RUFY3: variants seen among roughly 807,000 people sequenced by gnomAD.
The protein encoded by RUFY3 is RUN and FYVE domain containing 3.
RUFY3 carries 34 observed loss-of-function variants against 84.0 expected under a neutral mutation model. The ratio of observed to expected loss-of-function variants is 0.40; its 90% CI spans 0.31 to 0.54. The LOEUF is 0.54. Among genes scored for constraint, RUFY3 ranks in the 20% least tolerant of loss-of-function variants. The probability of loss-of-function intolerance (pLI) is 0.39; values close to 1 mark genes in which losing one functional copy is unlikely to be tolerated. For missense variants in RUFY3, 507 were observed against 736.8 expected, an observed-to-expected ratio of 0.69 and a Z score of 3.61; for synonymous variants, 242 against 252.9, an observed-to-expected ratio of 0.96 and a Z score of 0.41.
rs781772178 is a variant in RUFY3 at position 70,807,993 on chromosome 4, G to A, written c.*1334G>A. Among the ~76,000 whole-genome samples the A allele has an allele frequency of 6.6e-6, 1 of 152,070 alleles. No individual in the cohort carries two copies. The highest frequency in any genetic ancestry group is 1.5e-5 in the Non-Finnish European group (1 of 68,024). ...CCCAACTTGATATCAGAATCCATGG[G>A]TGCTCAAGTCCCATTATAGAGAATG... On this transcript the variant is annotated 3_prime_UTR_variant, in exon 18 of 18. Transcript: ENST00000381006.
intron 5 of RUFY3, among the ~76,000 whole-genome samples, chr4:70,769,301 CAGTG>C (rs1414259071): frequency 1.3e-5 from 2 of 152,050 alleles, no homozygotes; most frequent in African/African-American, 2.4e-5. Flanking sequence ...GCCTGGGTGA[CAGTG>C]AGACCCTGTC....
chr4:70,801,675 A>C (rs1411719620), intron 15 of RUFY3, among the ~76,000 whole-genome samples: 1 of 152,132 alleles, frequency 6.6e-6, no homozygotes, highest in African/African-American at 2.4e-5. Flanking sequence ...GAGAAGAGAA[A>C]ACACACAGTC....
chr4:70,776,637 G>A (rs767975137), intron 7 of RUFY3, among the ~76,000 whole-genome samples: 13 of 152,234 alleles, frequency 8.5e-5, no homozygotes, highest in Middle Eastern at 3.4e-3. Flanking sequence ...TTAGCCGGGC[G>A]TGGTACCAGG....
At chr4:70,705,312 A>T in intron 1 of RUFY3, 3 of 1,352,090 alleles carry the variant, frequency 2.2e-6, no homozygotes, top group South Asian at 1.8e-5. Flanking sequence ...GCGGAGGGGC[A>T]TGGGGACGCC....
Position 70,736,165 on chromosome 4 carries a change from A to G in RUFY3, c.178+13414A>G, listed in dbSNP as rs147438812. Among the ~76,000 whole-genome samples, 998 of 152,010 alleles carry G rather than the reference A, an allele frequency of 6.6e-3. 10 individuals are homozygous for G. The highest frequency in any genetic ancestry group is 0.023 in the African/African-American group (949 of 41,482). ...CAGACCCTGTCTCAAAAAAAAAAAA[A>G]AAAAGAAAAGAAAAGGAAAGAAAGA... On this transcript the variant is annotated intron_variant, in intron 1 of 17. Coordinates refer to ENST00000381006, the MANE Select transcript of RUFY3 (RefSeq NM_001037442.4).
chr4:70,716,929 C>G (rs561826572), intron 1 of RUFY3, among the ~76,000 whole-genome samples: 2 of 151,432 alleles, frequency 1.3e-5, no homozygotes, highest in African/African-American at 4.8e-5. Context: ...GAAACACTTT[C>G]TATAAGAAAG....
At chr4:70,790,416 C>G (rs1730617524) in intron 12 of RUFY3, among the ~76,000 whole-genome samples, 1 of 152,162 alleles carries the variant, frequency 6.6e-6, no homozygotes, top group African/African-American at 2.4e-5. Context: ...ACTGCTGGTC[C>G]CTGTACTTCC....
chr4:70,783,711 G>T (rs1729310794), intron 9 of RUFY3, among the ~76,000 whole-genome samples: 1 of 151,956 alleles, frequency 6.6e-6, no homozygotes, highest in African/African-American at 2.4e-5. Flanking sequence ...CCTTTACGAT[G>T]ACTGAGGATC....
chr4:70,775,944 C>A (rs201443955), intron 7 of RUFY3, among the ~76,000 whole-genome samples: 685 of 131,660 alleles, frequency 5.2e-3, no homozygotes, highest in Non-Finnish European at 6.3e-3. Context: ...CTGTCTTAAA[C>A]AAAAAAAAAA....
intron 1 of RUFY3, among the ~76,000 whole-genome samples, chr4:70,736,325 C>G (rs919044357): frequency 6.6e-6 from 1 of 152,094 alleles, no homozygotes; most frequent in Non-Finnish European, 1.5e-5. Flanking sequence ...ACCTACATTT[C>G]AAATACCTAG....
intron 4 of RUFY3, among the ~76,000 whole-genome samples, chr4:70,766,527 G>T (rs1262589420): frequency 6.6e-6 from 1 of 152,156 alleles, no homozygotes; most frequent in Non-Finnish European, 1.5e-5. Flanking sequence ...TTACAGGCGT[G>T]AGCCACCGCA....
chr4:70,745,014 G>A (rs1188109093), intron 1 of RUFY3, among the ~76,000 whole-genome samples: 2 of 150,622 alleles, frequency 1.3e-5, no homozygotes, highest in East Asian at 3.9e-4. Context: ...GAGTGCTGTG[G>A]TGCAATCTCG....
In RUFY3 at chr4:70,804,382, G is replaced by C; in HGVS notation, c.1685G>C (p.Cys562Ser). Residue 562 changes from cysteine to serine, a missense_variant, in exon 17 of 18, where the codon TGT becomes TCT. Around this residue, in one of 4 missense-constraint regions of RUFY3, gnomAD observed 334 missense variants for 364.1 expected, o/e 0.92. Transcript: ENST00000381006. The part of the protein sequence containing the change: ...QLLLSEKPQL[C>S]QLCQEDGSLT... ...CTGCTCTCTGAAAAGCCACAGTTGT[G>C]TCAGCTATGCCAGGAAGACGGCAGC... 1 of 1,614,084 alleles carries C rather than the reference G, an allele frequency of 6.2e-7. No individual in the cohort carries two copies. The highest frequency in any genetic ancestry group is 1.1e-5 in the South Asian group (1 of 91,068).
chr4:70,773,630 G>A (rs368972729), intron 6 of RUFY3, 58 bp downstream of exon 6: 1 of 1,217,058 alleles, frequency 8.2e-7, no homozygotes, highest in African/African-American at 1.5e-5. Flanking sequence ...TTTTCCTTTG[G>A]TGGTACTTAA....
intron 1 of RUFY3, among the ~76,000 whole-genome samples, chr4:70,714,114 G>T (rs752802677): frequency 6.6e-6 from 1 of 152,100 alleles, no homozygotes; most frequent in Non-Finnish European, 1.5e-5. Flanking sequence ...ACTTGCCAAG[G>T]TTACTCAGCA....
intron 14 of RUFY3, among the ~76,000 whole-genome samples, chr4:70,798,713 CA>C (rs1484991440): frequency 2.0e-5 from 3 of 151,500 alleles, no homozygotes; most frequent in Admixed American, 1.3e-4. Context: ...AACCAGGAGG[CA>C]GAGGTTGCAT....
intron 1 of RUFY3, among the ~76,000 whole-genome samples, chr4:70,737,410 T>G (rs1480227648): frequency 6.6e-6 from 1 of 151,986 alleles, no homozygotes; most frequent in Admixed American, 6.6e-5. Context: ...AAACTAAGAG[T>G]GTATGTGAGA....
At chr4:70,773,760 T>G (rs1727378193) in intron 6 of RUFY3, among the ~76,000 whole-genome samples, 188 bp downstream of exon 6, 1 of 152,188 alleles carries the variant, frequency 6.6e-6, no homozygotes, top group Admixed American at 6.6e-5. Flanking sequence ...AAAAGGATTT[T>G]TTTGTTTGTT....
upstream of RUFY3, chr4:70,721,795 G>A (rs1214784496): frequency 1.1e-6 from 1 of 916,132 alleles, no homozygotes; most frequent in Non-Finnish European, 1.3e-6. Context: ...TATGTGCATT[G>A]TGTTATGTCT....
Sources: allele counts gnomAD v4.1 joint callset (sites outside exome capture counted in the v4.1 genomes callset), GRCh38; gene constraint gnomAD v4.1.1; regional missense constraint gnomAD v4.1.1; transcripts MANE v1.5; gene names NCBI Gene and HGNC (gene_info 2026-07-23, HGNC 2026-07-21).